Variants in FBXL4 observed in about 807,000 individuals in gnomAD.
FBXL4 encodes F-box/LRR-repeat protein 4.
Under a neutral mutation model 58.9 loss-of-function variants are expected in FBXL4, and 40 were observed. The observed-to-expected ratio is 0.68, with a 90% CI of 0.53 to 0.88. FBXL4 has a LOEUF of 0.88. Among genes scored for constraint, FBXL4 ranks in the 40% least tolerant of loss-of-function variants. The pLI, the probability that FBXL4 is intolerant of heterozygous loss-of-function variation, is 0.00. For missense variants in FBXL4, 676 were observed against 734.4 expected (o/e 0.92, Z 0.92); for synonymous variants, 263 against 265.5 (o/e 0.99, Z 0.09).
At chr6:98,879,169 G>T (rs1437816399) in intron 8 of FBXL4, among the ~76,000 whole-genome samples, 1 of 152,190 alleles carries the variant, frequency 6.6e-6, no homozygotes, top group Non-Finnish European at 1.5e-5. Context: ...TTTTAGGTCA[G>T]GGACCCTGTC....
At chr6:98,940,953 T>A (rs1052978825) in intron 1 of FBXL4, among the ~76,000 whole-genome samples, 17 of 152,182 alleles carry the variant, frequency 1.1e-4, no homozygotes, top group Non-Finnish European at 1.5e-5. Flanking sequence ...AATTAGATTC[T>A]GCAAACATTT....
chr6:98,929,458 C>A (rs1344833107), intron 2 of FBXL4, among the ~76,000 whole-genome samples: 1 of 151,842 alleles, frequency 6.6e-6, no homozygotes, highest in Non-Finnish European at 1.5e-5. Context: ...GTAATCCCAG[C>A]TACTCGGGAG....
chr6:98,922,245 AAGGTACT>A (rs1254657411), intron 4 of FBXL4, among the ~76,000 whole-genome samples: 1 of 152,136 alleles, frequency 6.6e-6, no homozygotes. Context: ...TGCTCTTAAT[AAGGTACT>A]AGGCAAGAAA....
rs566135520 is a variant in FBXL4, at chr6:98,885,437, A to G, written c.1318-4813T>C. 3.5e-3 allele frequency among the ~76,000 whole-genome samples: 540 copies of G among 152,228 alleles called. 3 individuals carry two copies. Among genetic ancestry groups the G allele is most frequent in the African/African-American group, 0.012 (519 of 41,542 alleles). On this transcript the variant is annotated intron_variant, in intron 7 of 9. Transcript: ENST00000369244. ...TTCTGTGAGGTTGTTTTTGGATGAGATTAACATTTAAATCAGTAGACTGAA... is the reference window on the plus strand; with the variant it reads ...TTCTGTGAGGTTGTTTTTGGATGAGGTTAACATTTAAATCAGTAGACTGAA...
rs920971546 is a variant in FBXL4, at chr6:98,869,138, T to G, written c.*5140A>C. 2 of 152,214 alleles carry G rather than the reference T, an allele frequency of 1.3e-5. No homozygotes were observed. The highest frequency in any genetic ancestry group is 2.9e-5 in the Non-Finnish European group (2 of 68,044). The allele number at this position is 152,214 out of a possible 1,614,324, so 9.4% of individuals were successfully genotyped here. ...CAAAAAAAGCAAATGAGGTGATGAT[T>G]GGCAGTTAATGGTCATTGACAAGAT... On this transcript the variant is annotated 3_prime_UTR_variant, in exon 10 of 10. Transcript: ENST00000369244.
intron 7 of FBXL4, among the ~76,000 whole-genome samples, chr6:98,888,322 T>C (rs748445710): frequency 4.6e-5 from 7 of 152,240 alleles, no homozygotes; most frequent in African/African-American, 9.6e-5. Context: ...ATAGAGCCCA[T>C]AGGGCCTGCA....
In FBXL4 at chr6:98,947,892, G is replaced by C. The variant is rs956765109; in HGVS notation, c.-395C>G. The C allele has an allele frequency of 5.9e-5, 9 of 151,798 alleles. No individual in the cohort carries two copies. Among genetic ancestry groups the C allele is most frequent in the African/African-American group, 1.7e-4 (7 of 41,368 alleles). 9.4% of individuals were successfully genotyped at this position (151,798 alleles called of 1,614,324 possible). The stretch of plus-strand genomic sequence containing the variant: ...GGCCTGGGTGCGGGGGCGGCTCCCC[G>C]ACTCTCTAGATGCGGCACAACCGCC... On this transcript the variant is annotated 5_prime_UTR_variant, in exon 1 of 10. Coordinates refer to ENST00000369244, the MANE Select transcript of FBXL4 (RefSeq NM_001278716.2).
chr6:98,878,380 A>C (rs1388424695), intron 8 of FBXL4, among the ~76,000 whole-genome samples: 1 of 152,094 alleles, frequency 6.6e-6, no homozygotes, highest in Non-Finnish European at 1.5e-5. Flanking sequence ...TAAAACTCTA[A>C]GACCAGGCTG....
intron 5 of FBXL4, among the ~76,000 whole-genome samples, chr6:98,909,002 G>T (rs542556169): frequency 1.3e-5 from 1 of 77,916 alleles, no homozygotes; most frequent in South Asian, 3.5e-4. Context: ...CATATTTTTA[G>T]GCAAACTTCA....
chr6:98,940,693 TAGAC>T (rs965586942), intron 1 of FBXL4, among the ~76,000 whole-genome samples: 1 of 152,164 alleles, frequency 6.6e-6, no homozygotes, highest in African/African-American at 2.4e-5. Flanking sequence ...ATTTCTTTGT[TAGAC>T]AGATGTTTTT....
intron 1 of FBXL4, among the ~76,000 whole-genome samples, chr6:98,939,448 T>C (rs745397876): frequency 5.9e-5 from 9 of 152,234 alleles, no homozygotes; most frequent in Non-Finnish European, 8.8e-5. Flanking sequence ...AAGCATGTCT[T>C]TCTTATAGCA....
At chr6:98,928,847 C>A (rs1028984513) in intron 2 of FBXL4, among the ~76,000 whole-genome samples, 2 of 152,332 alleles carry the variant, frequency 1.3e-5, no homozygotes, top group Non-Finnish European at 2.9e-5. Context: ...CAATCAAGTT[C>A]TAACCACTCT....
rs1770543980 is a variant in FBXL4 at position 98,873,293 on chromosome 6, T to C, written c.*985A>G. 6.8e-6 allele frequency: 1 copy of C among 147,452 alleles called. No homozygotes were observed. Among genetic ancestry groups the C allele is most frequent in the Non-Finnish European group, 1.5e-5 (1 of 67,074 alleles). 9.1% of individuals were successfully genotyped at this position (147,452 alleles called of 1,614,324 possible). On this transcript the variant is annotated 3_prime_UTR_variant, in exon 10 of 10. Transcript: ENST00000369244. ...TAATATATAATTATATAATATATAATATATACATGTATATATTAAAAATCA... is the reference window on the plus strand; with the variant it reads ...TAATATATAATTATATAATATATAACATATACATGTATATATTAAAAATCA...
At chr6:98,914,712 A>G (rs1772262305) in intron 5 of FBXL4, among the ~76,000 whole-genome samples, 1 of 152,234 alleles carries the variant, frequency 6.6e-6, no homozygotes, top group Non-Finnish European at 1.5e-5. Flanking sequence ...AGCCTATATC[A>G]TACTGAATGC....
rs544853463 is a variant in FBXL4 at position 98,911,937 on chromosome 6, A to T, written c.858+5437T>A. 2.6e-5 allele frequency among the ~76,000 whole-genome samples: 4 copies of T among 152,354 alleles called. No homozygotes were observed. The South Asian group carries it at 6.2e-4, about 24-fold the overall frequency. ...AAGTTAAAAACTTTGAAAAAAATTTAGACAAATGTATAACTAGAATAACCA... is the reference window on the plus strand; with the variant it reads ...AAGTTAAAAACTTTGAAAAAAATTTTGACAAATGTATAACTAGAATAACCA... On this transcript the variant is annotated intron_variant, in intron 5 of 9. Coordinates refer to ENST00000369244, the MANE Select transcript of FBXL4 (RefSeq NM_001278716.2).
At position 98,926,461 on chromosome 6, in the gene FBXL4, A is replaced by G; in HGVS notation, c.512+16T>C. The stretch of plus-strand genomic sequence containing the variant: ...TTTCTACCATATAACTTAGGTCATT[A>G]AAAAATTAGTCTTACCTTACTTCAG... On this transcript the variant is annotated intron_variant, in intron 4 of 9. Transcript: ENST00000369244. 1 of 1,575,958 alleles carries G rather than the reference A, an allele frequency of 6.3e-7. No individual in the cohort carries two copies. Among genetic ancestry groups the G allele is most frequent in the Non-Finnish European group, 8.6e-7 (1 of 1,160,876 alleles).
At chr6:98,914,078 A>C (rs922132184) in intron 5 of FBXL4, among the ~76,000 whole-genome samples, 1 of 152,222 alleles carries the variant, frequency 6.6e-6, no homozygotes, top group African/African-American at 2.4e-5. Context: ...GAAATGGATA[A>C]ATTCCTCGAC....
rs1375950459 is a variant in FBXL4, at chr6:98,872,630, T to C, written c.*1648A>G. 3 of 152,194 alleles carry C rather than the reference T, an allele frequency of 2.0e-5. No homozygotes were observed. Among genetic ancestry groups the C allele is most frequent in the Non-Finnish European group, 4.4e-5 (3 of 68,038 alleles). The allele number at this position is 152,194 out of a possible 1,614,324, so 9.4% of individuals were successfully genotyped here. A position where few individuals can be genotyped will look rare whatever the true frequency, so the allele number is the denominator to read the frequency against. ...CTCTCTAGTTATTTAAGTATCTACA[T>C]AACAATCTCAGTTTTACCTCTTAGC... On this transcript the variant is annotated 3_prime_UTR_variant, in exon 10 of 10. Transcript: ENST00000369244.
intron 4 of FBXL4, among the ~76,000 whole-genome samples, chr6:98,921,924 C>T (rs1219994147): frequency 6.6e-6 from 1 of 152,020 alleles, no homozygotes; most frequent in East Asian, 1.9e-4. Context: ...AAATGGTAAC[C>T]CTGAGCTAGC....
Sources: allele counts gnomAD v4.1 joint callset (sites outside exome capture counted in the v4.1 genomes callset), GRCh38; gene constraint gnomAD v4.1.1; transcripts MANE v1.5; gene names NCBI Gene and HGNC (gene_info 2026-07-23, HGNC 2026-07-21).